The following GAREM1 variants were observed in gnomAD, a reference collection of about 807,000 sequenced individuals.
GAREM1 encodes GRB2 associated regulator of MAPK1 subtype 1.
Under a neutral mutation model 71.3 loss-of-function variants are expected in GAREM1, and 26 were observed. That is an observed-to-expected ratio of 0.36 (90% CI 0.27 to 0.51). The LOEUF (loss-of-function observed/expected upper bound fraction) is 0.51, where lower values mean the gene tolerates loss of function less well. Ranked by LOEUF, GAREM1 falls within the 20% of genes least tolerant of loss-of-function variation. The probability of loss-of-function intolerance (pLI) is 0.95; values close to 1 mark genes in which losing one functional copy is unlikely to be tolerated. For synonymous variants in GAREM1, 440 were observed against 433.2 expected (o/e 1.02, Z -0.20); for missense variants, 1,026 against 1,103.1 (o/e 0.93, Z 0.99).
chr18:32,378,047 T>TGTGTGC (rs2048052413), intron 2 of GAREM1, among the ~76,000 whole-genome samples: 1 of 148,176 alleles, frequency 6.7e-6, no homozygotes, highest in Non-Finnish European at 1.5e-5. Context: ...TGTGTGTGTG[T>TGTGTGC]GTGTGTGTGT....
At chr18:32,456,848 T>G (rs190474142) in intron 1 of GAREM1, among the ~76,000 whole-genome samples, 1 of 152,118 alleles carries the variant, frequency 6.6e-6, no homozygotes, top group South Asian at 2.1e-4. Flanking sequence ...CGGAATATTA[T>G]GCAGTTGTTA....
At chr18:32,462,693 G>A (rs1457837317) in intron 1 of GAREM1, among the ~76,000 whole-genome samples, 2 of 152,300 alleles carry the variant, frequency 1.3e-5, no homozygotes, top group East Asian at 3.9e-4. Flanking sequence ...CTAGTCTAAT[G>A]TCATAAAGTG....
At chr18:32,342,906 T>G (rs1250543570) in intron 2 of GAREM1, among the ~76,000 whole-genome samples, 4 of 152,342 alleles carry the variant, frequency 2.6e-5, no homozygotes, top group African/African-American at 7.2e-5. Flanking sequence ...GTACTATCTA[T>G]GCTTCTTTTG....
chr18:32,353,500 C>T (rs181032962), intron 2 of GAREM1, among the ~76,000 whole-genome samples: 13 of 152,190 alleles, frequency 8.5e-5, no homozygotes, highest in Admixed American at 4.6e-4. Flanking sequence ...TTTATAAGTC[C>T]TCAAGTAACT....
At chr18:32,306,464 C>A (rs1439886048) in intron 3 of GAREM1, among the ~76,000 whole-genome samples, 1 of 138,424 alleles carries the variant, frequency 7.2e-6, no homozygotes, top group African/African-American at 2.9e-5. Context: ...TTAGCAGCAA[C>A]CCCCCCCACC....
chr18:32,355,472 G>A (rs2047795558), intron 2 of GAREM1, among the ~76,000 whole-genome samples: 1 of 152,130 alleles, frequency 6.6e-6, no homozygotes, highest in Non-Finnish European at 1.5e-5. Context: ...ATCAAGAGTA[G>A]AGAGAAAAGT....
chr18:32,279,202 T>C (rs1234627327), intron 4 of GAREM1, among the ~76,000 whole-genome samples: 2 of 152,210 alleles, frequency 1.3e-5, no homozygotes, highest in Non-Finnish European at 2.9e-5. Flanking sequence ...TTGTACAGGT[T>C]TGGAACAAGA....
intron 2 of GAREM1, among the ~76,000 whole-genome samples, chr18:32,332,786 G>A (rs540023340): frequency 1.3e-5 from 2 of 152,302 alleles, no homozygotes; most frequent in South Asian, 4.1e-4. Context: ...TGAGGCTTCA[G>A]AGATGGAACC....
chr18:32,324,821 A>G (rs1393734073), intron 2 of GAREM1, among the ~76,000 whole-genome samples: 1 of 152,248 alleles, frequency 6.6e-6, no homozygotes, highest in Non-Finnish European at 1.5e-5. Context: ...GCCTATTACT[A>G]AGTGAAAGAT....
At chr18:32,402,888 C>T (rs1415694155) in intron 1 of GAREM1, among the ~76,000 whole-genome samples, 3 of 114,454 alleles carry the variant, frequency 2.6e-5, no homozygotes, top group South Asian at 5.3e-4. Flanking sequence ...GTGGAGTGGA[C>T]CTTTTGGTTG....
At chr18:32,392,843 T>A in intron 2 of GAREM1, 52 bp downstream of exon 2, 1 of 1,581,500 alleles carries the variant, frequency 6.3e-7, no homozygotes, top group Non-Finnish European at 8.6e-7. Context: ...AGTTTAGCTA[T>A]TCACATCCCC....
chr18:32,437,238 C>T (rs765127663), intron 1 of GAREM1, among the ~76,000 whole-genome samples: 2 of 152,124 alleles, frequency 1.3e-5, no homozygotes, highest in Non-Finnish European at 2.9e-5. Flanking sequence ...CAGCAATGAC[C>T]TCGAGAGGAC....
chr18:32,376,022 CA>C (rs2048027596), intron 2 of GAREM1, among the ~76,000 whole-genome samples: 1 of 151,782 alleles, frequency 6.6e-6, no homozygotes, highest in African/African-American at 2.4e-5. Context: ...ATCTTGTGAA[CA>C]TTTTATCATC....
chr18:32,438,236 G>A (rs1193327704), intron 1 of GAREM1, among the ~76,000 whole-genome samples: 1 of 152,168 alleles, frequency 6.6e-6, no homozygotes, highest in Non-Finnish European at 1.5e-5. Context: ...GGATTTATCT[G>A]GCAGAGCGGG....
intron 4 of GAREM1, among the ~76,000 whole-genome samples, chr18:32,280,449 T>G (rs2041597956): frequency 6.6e-6 from 1 of 152,142 alleles, no homozygotes. Flanking sequence ...GATATTTCTG[T>G]GTTGGTTTGC....
At chr18:32,279,898 T>A (rs994234894) in intron 4 of GAREM1, among the ~76,000 whole-genome samples, 2 of 152,152 alleles carry the variant, frequency 1.3e-5, no homozygotes, top group Admixed American at 1.3e-4. Context: ...AGAACCTACA[T>A]GAAACAGAAT....
intron 1 of GAREM1, among the ~76,000 whole-genome samples, chr18:32,397,556 A>T (rs899805317): frequency 6.6e-6 from 1 of 152,254 alleles, no homozygotes. Flanking sequence ...GAGACAAAGA[A>T]GGCCATTACA....
rs1166555814 is a variant in GAREM1 at position 32,266,624 on chromosome 18, AG to A, written c.*1246del. The A allele has an allele frequency of 6.6e-6, 1 of 152,244 alleles. No individual in the cohort carries two copies. Among genetic ancestry groups the A allele is most frequent in the Non-Finnish European group, 1.5e-5 (1 of 68,044 alleles). 9.4% of individuals were successfully genotyped at this position (152,244 alleles called of 1,614,324 possible). ...TAATAATGTATTTTCTTTGAAAGAG[AG>A]GGAAGAAGTGGTTTATGAAATAAAC... is the stretch of plus-strand genomic sequence containing the variant. On this transcript the variant is annotated 3_prime_UTR_variant, in exon 6 of 6. Transcript: ENST00000269209.
chr18:32,422,215 C>A, intron 1 of GAREM1, among the ~76,000 whole-genome samples: 1 of 151,998 alleles, frequency 6.6e-6, no homozygotes, highest in East Asian at 1.9e-4. Context: ...GTTCAATTCT[C>A]GCCTATGAGT....
Sources: allele counts gnomAD v4.1 joint callset (sites outside exome capture counted in the v4.1 genomes callset), GRCh38; gene constraint gnomAD v4.1.1; transcripts MANE v1.5; gene names NCBI Gene and HGNC (gene_info 2026-07-23, HGNC 2026-07-21).